Variants in LUC7L2 observed in about 807,000 individuals in gnomAD.
LUC7L2 encodes the protein LUC7 like 2, pre-mRNA splicing factor, also known as putative RNA-binding protein Luc7-like 2.
Under a neutral mutation model 52.8 loss-of-function variants are expected in LUC7L2, and 25 were observed. The ratio of observed to expected loss-of-function variants is 0.47; its 90% CI spans 0.34 to 0.66. LUC7L2 has a LOEUF of 0.66. Ranked by LOEUF, LUC7L2 falls within the 30% of genes least tolerant of loss-of-function variation. LUC7L2 has a pLI of 0.01. For synonymous variants in LUC7L2, 144 were observed against 160.9 expected, an observed-to-expected ratio of 0.89 and a Z score of 0.80; for missense variants, 328 against 497.8, an observed-to-expected ratio of 0.66 and a Z score of 3.25.
chr7:139,393,243 G>A (rs1794522046), intron 2 of LUC7L2, among the ~76,000 whole-genome samples: 1 of 152,044 alleles, frequency 6.6e-6, no homozygotes, highest in East Asian at 2.0e-4. Context: ...CTCCAGCCTG[G>A]GCAACAGAGC....
chr7:139,418,341 T>C (rs10234730), intron 9 of LUC7L2, among the ~76,000 whole-genome samples: 16,636 of 152,208 alleles, frequency 0.11, 2,551 homozygotes, highest in African/African-American at 0.35. Flanking sequence ...CAAAGGATTA[T>C]AATGTGGTAG....
At chr7:139,350,209 C>T (rs918255609) in intron 1 of LUC7L2, among the ~76,000 whole-genome samples, 1 of 151,948 alleles carries the variant, frequency 6.6e-6, no homozygotes, top group African/African-American at 2.4e-5. Flanking sequence ...GCAAGCTCCG[C>T]CTCCCGGGTT....
At chr7:139,392,333 A>G in intron 2 of LUC7L2, 1 of 250,190 alleles carries the variant, frequency 4.0e-6, no homozygotes, top group Admixed American at 5.4e-5. Context: ...CATTTTTCTA[A>G]TGAAGCTTAA....
chr7:139,417,387 C>A (rs1795669637), intron 8 of LUC7L2, 151 bp from the exon 9 acceptor site: 1 of 996,696 alleles, frequency 1.0e-6, no homozygotes, highest in Non-Finnish European at 1.4e-6. Flanking sequence ...TAGTTATTAA[C>A]ACACCAGCAA....
intron 4 of LUC7L2, among the ~76,000 whole-genome samples, chr7:139,403,765 TTC>T (rs1795011432): frequency 6.6e-6 from 1 of 152,244 alleles, no homozygotes; most frequent in South Asian, 2.1e-4. Flanking sequence ...TGAGCAGTTA[TTC>T]TTGTTTCAGC....
At chr7:139,383,858 C>A (rs1006247308) in intron 2 of LUC7L2, among the ~76,000 whole-genome samples, 1 of 151,208 alleles carries the variant, frequency 6.6e-6, no homozygotes, top group Non-Finnish European at 1.5e-5. Context: ...CTCAGCCTCC[C>A]GAGTAGCTGG....
intron 2 of LUC7L2, among the ~76,000 whole-genome samples, chr7:139,397,883 G>A (rs993054212): frequency 3.3e-5 from 5 of 152,174 alleles, no homozygotes; most frequent in Non-Finnish European, 7.4e-5. Flanking sequence ...TTATAAGTGG[G>A]ATTAAATGCT....
At chr7:139,421,307 T>C (rs902881369) in intron 9 of LUC7L2, among the ~76,000 whole-genome samples, 6 of 152,258 alleles carry the variant, frequency 3.9e-5, no homozygotes, top group African/African-American at 1.4e-4. Flanking sequence ...GAGATAATTA[T>C]GTAAAAGTGC....
chr7:139,377,269 A>G (rs367826489), intron 2 of LUC7L2, among the ~76,000 whole-genome samples: 12 of 152,132 alleles, frequency 7.9e-5, no homozygotes, highest in East Asian at 1.9e-4. Flanking sequence ...CAGTGGCGCA[A>G]TCTCAGCTCA....
intron 2 of LUC7L2, among the ~76,000 whole-genome samples, chr7:139,395,636 A>G (rs998622422): frequency 2.0e-5 from 3 of 152,050 alleles, no homozygotes; most frequent in African/African-American, 7.2e-5. Context: ...ACAGAAAAAC[A>G]TTTTCTGTTT....
chr7:139,354,323 C>T (rs28592097), intron 1 of LUC7L2, among the ~76,000 whole-genome samples: 1,612 of 152,192 alleles, frequency 0.011, 31 homozygotes, highest in African/African-American at 0.037. Flanking sequence ...AGACAAGTAG[C>T]GTAGCACACA....
intron 2 of LUC7L2, among the ~76,000 whole-genome samples, chr7:139,379,036 T>C (rs1255162919): frequency 2.6e-5 from 4 of 152,210 alleles, no homozygotes; most frequent in Non-Finnish European, 5.9e-5. Flanking sequence ...TTTGTATTTT[T>C]AGTAGAGACG....
chr7:139,348,585 G>A (rs1799346771), intron 1 of LUC7L2, among the ~76,000 whole-genome samples: 1 of 151,738 alleles, frequency 6.6e-6, no homozygotes, highest in Non-Finnish European at 1.5e-5. Flanking sequence ...TGGACTTAGT[G>A]GTGTGTGCCT....
intron 1 of LUC7L2, among the ~76,000 whole-genome samples, chr7:139,368,023 G>T (rs892612480): frequency 3.9e-5 from 6 of 152,176 alleles, no homozygotes; most frequent in African/African-American, 1.4e-4. Flanking sequence ...GTCGATTCAC[G>T]TGAGTCTGGA....
At chr7:139,386,949 C>T (rs1794228720) in intron 2 of LUC7L2, among the ~76,000 whole-genome samples, 1 of 152,122 alleles carries the variant, frequency 6.6e-6, no homozygotes, top group Admixed American at 6.6e-5. Flanking sequence ...AAGCGATTCT[C>T]CTGCCTCATC....
intron 7 of LUC7L2, among the ~76,000 whole-genome samples, chr7:139,411,263 AGTC>A (rs1031957874): frequency 6.6e-6 from 1 of 152,246 alleles, no homozygotes; most frequent in African/African-American, 2.4e-5. Context: ...ATTAAAAAAA[AGTC>A]GTTGAATCTG....
chr7:139,409,770 GCTTA>G (rs1795275817), intron 7 of LUC7L2, 116 bp downstream of exon 7: 1 of 1,360,490 alleles, frequency 7.4e-7, no homozygotes, highest in Non-Finnish European at 9.5e-7. Context: ...GGAAACTTCT[GCTTA>G]CTTTAAAAAA....
intron 9 of LUC7L2, among the ~76,000 whole-genome samples, chr7:139,418,818 AAG>A (rs1795746000): frequency 6.6e-6 from 1 of 152,192 alleles, no homozygotes. Flanking sequence ...AAGTTGCTCT[AAG>A]AAGTTTCCTA....
chr7:139,379,815 C>T (rs1452974101), intron 2 of LUC7L2, among the ~76,000 whole-genome samples: 1 of 151,888 alleles, frequency 6.6e-6, no homozygotes, highest in Non-Finnish European at 1.5e-5. Context: ...ATCTGCCTGC[C>T]TCGGCCTCCT....
Sources: allele counts gnomAD v4.1 joint callset (sites outside exome capture counted in the v4.1 genomes callset), GRCh38; gene constraint gnomAD v4.1.1; transcripts MANE v1.5; gene names NCBI Gene and HGNC (gene_info 2026-07-23, HGNC 2026-07-21).